ASXL3: variants seen among roughly 807,000 people sequenced by gnomAD.
ASXL3 encodes putative Polycomb group protein ASXL3.
ASXL3 carries 34 observed loss-of-function variants against 170.6 expected under a neutral mutation model. The observed-to-expected ratio is 0.20, with a 90% CI of 0.15 to 0.27. The LOEUF (loss-of-function observed/expected upper bound fraction) is 0.27, where lower values mean the gene tolerates loss of function less well. Among genes scored for constraint, ASXL3 ranks in the 10% least tolerant of loss-of-function variants. The pLI is 1.00. For synonymous variants in ASXL3, 1,002 were observed against 989.1 expected (o/e 1.01, Z -0.24); for missense variants, 2,592 against 2,695.3 (o/e 0.96, Z 0.85).
chr18:33,640,698 T>C (rs2065833376), intron 2 of ASXL3, among the ~76,000 whole-genome samples: 1 of 152,104 alleles, frequency 6.6e-6, no homozygotes, highest in Non-Finnish European at 1.5e-5. Flanking sequence ...TAAAATATAT[T>C]CTTTATATTT....
intron 8 of ASXL3, among the ~76,000 whole-genome samples, chr18:33,724,786 T>C (rs568396018): frequency 6.6e-5 from 10 of 152,274 alleles, no homozygotes; most frequent in African/African-American, 2.4e-4. Context: ...AATACCTATT[T>C]TGCAAAACAC....
intron 4 of ASXL3, among the ~76,000 whole-genome samples, chr18:33,647,161 G>A (rs1452923300): frequency 6.6e-6 from 1 of 152,038 alleles, no homozygotes; most frequent in Non-Finnish European, 1.5e-5. Context: ...CTTAAAGGAT[G>A]TTTGCAGAAA....
At chr18:33,606,455 T>G (rs918407385) in intron 1 of ASXL3, among the ~76,000 whole-genome samples, 4 of 151,996 alleles carry the variant, frequency 2.6e-5, no homozygotes, top group Admixed American at 2.0e-4. Flanking sequence ...TGCAACACAC[T>G]GAGGGACCTT....
intron 11 of ASXL3, among the ~76,000 whole-genome samples, chr18:33,740,713 C>T (rs2067648183): frequency 6.6e-6 from 1 of 152,124 alleles, no homozygotes; most frequent in South Asian, 2.1e-4. Context: ...ACTGAGACAC[C>T]TGGGTTTATG....
chr18:33,729,393 T>A (rs189139186), intron 8 of ASXL3, among the ~76,000 whole-genome samples: 10 of 152,290 alleles, frequency 6.6e-5, no homozygotes, highest in African/African-American at 1.9e-4. Context: ...AAGCTCTTTT[T>A]GCTTCAGAGA....
At chr18:33,658,071 T>G (rs1017784704) in intron 4 of ASXL3, among the ~76,000 whole-genome samples, 19 of 152,116 alleles carry the variant, frequency 1.2e-4, no homozygotes, top group African/African-American at 4.6e-4. Flanking sequence ...AGATATCACT[T>G]TCTAAGCTGC....
At chr18:33,738,402 A>AT (rs1478276027) in intron 10 of ASXL3, 85 bp from the exon 11 acceptor site, 1 of 1,320,650 alleles carries the variant, frequency 7.6e-7, no homozygotes, top group Non-Finnish European at 1.0e-6. Context: ...ATTTACTTCT[A>AT]TTGAATACTA....
intron 8 of ASXL3, among the ~76,000 whole-genome samples, chr18:33,698,938 T>C (rs1436207372): frequency 1.3e-5 from 2 of 152,146 alleles, no homozygotes; most frequent in Non-Finnish European, 2.9e-5. Flanking sequence ...TGGCCAAGGC[T>C]GTGCCCGTTC....
intron 4 of ASXL3, among the ~76,000 whole-genome samples, chr18:33,658,959 A>T (rs1000715685): frequency 2.6e-5 from 4 of 152,112 alleles, no homozygotes. Context: ...TTTTGGATAC[A>T]ACATATATAA....
At chr18:33,586,275 A>G (rs374189482) in intron 1 of ASXL3, among the ~76,000 whole-genome samples, 11 of 152,204 alleles carry the variant, frequency 7.2e-5, no homozygotes, top group East Asian at 3.9e-4. Flanking sequence ...TTGTTGACAT[A>G]GCCCCAGAAC....
rs995087602 is a variant in ASXL3, at chr18:33,746,765, T to C, written c.*170T>C. 5.3e-6 allele frequency: 6 copies of C among 1,130,030 alleles called. No homozygotes were observed. In the African/African-American group the frequency reaches 9.4e-5, roughly 18 times the overall value. 70.0% of individuals were successfully genotyped at this position (1,130,030 alleles called of 1,614,324 possible). On this transcript the variant is annotated 3_prime_UTR_variant, in exon 12 of 12. Transcript: ENST00000269197. ...CTTGCATTTCTCATAAAGGGGAGGA[T>C]GCATCCCAACTGAATGGCTCACTGG...
chr18:33,634,986 G>C (rs7228141), intron 2 of ASXL3, among the ~76,000 whole-genome samples: 91,188 of 151,900 alleles, frequency 0.6, 28,089 homozygotes, highest in East Asian at 0.89. Flanking sequence ...CATCATTGTG[G>C]ACTGCAGAGG....
chr18:33,604,245 AC>A (rs1305490187), intron 1 of ASXL3, among the ~76,000 whole-genome samples: 1 of 152,066 alleles, frequency 6.6e-6, no homozygotes, highest in African/African-American at 2.4e-5. Flanking sequence ...GATAATAATT[AC>A]CCTGATTTAG....
chr18:33,594,293 C>CT (rs1478691880), intron 1 of ASXL3, among the ~76,000 whole-genome samples: 1 of 152,050 alleles, frequency 6.6e-6, no homozygotes, highest in African/African-American at 2.4e-5. Context: ...CTTTGTATTT[C>CT]TTTTTTCAAA....
chr18:33,749,412 G>A lies in ASXL3; in HGVS notation c.*2817G>A, dbSNP rs1347472664. 1 of 151,834 alleles carries A rather than the reference G, an allele frequency of 6.6e-6. No homozygotes were observed. The highest frequency in any genetic ancestry group is 1.5e-5 in the Non-Finnish European group (1 of 67,964). The allele number at this position is 151,834 out of a possible 1,614,324, so 9.4% of individuals were successfully genotyped here. Reference sequence around the variant, plus strand: ...CTGGACACAGTTTTATTCTTATCAGGAATAGAACTTGCACATGTACCATAC... The same window carrying A: ...CTGGACACAGTTTTATTCTTATCAGAAATAGAACTTGCACATGTACCATAC... On this transcript the variant is annotated 3_prime_UTR_variant, in exon 12 of 12. Transcript: ENST00000269197.
At chr18:33,586,568 C>T (rs935078014) in intron 1 of ASXL3, among the ~76,000 whole-genome samples, 10 of 151,946 alleles carry the variant, frequency 6.6e-5, no homozygotes, top group African/African-American at 2.4e-4. Flanking sequence ...TCACTTTTAA[C>T]TCTTTCCTGC....
chr18:33,638,392 CCTTT>C (rs1298644620), intron 2 of ASXL3, among the ~76,000 whole-genome samples: 3 of 151,962 alleles, frequency 2.0e-5, no homozygotes, highest in African/African-American at 7.3e-5. Context: ...GTTTCTTCTT[CCTTT>C]GTTTTCATTG....
chr18:33,667,899 A>C (rs887303598), intron 5 of ASXL3, among the ~76,000 whole-genome samples: 1 of 152,222 alleles, frequency 6.6e-6, no homozygotes, highest in South Asian at 2.1e-4. Flanking sequence ...GGTCTCAAAA[A>C]TGCATTGGTT....
intron 2 of ASXL3, among the ~76,000 whole-genome samples, chr18:33,637,671 A>AT (rs1357475287): frequency 2.0e-5 from 3 of 152,076 alleles, no homozygotes; most frequent in Non-Finnish European, 4.4e-5. Flanking sequence ...ATTGGAAATA[A>AT]TTTTTTTGAG....
Sources: allele counts gnomAD v4.1 joint callset (sites outside exome capture counted in the v4.1 genomes callset), GRCh38; gene constraint gnomAD v4.1.1; transcripts MANE v1.5; gene names NCBI Gene and HGNC (gene_info 2026-07-23, HGNC 2026-07-21).